ZNF891: variants seen among roughly 807,000 people sequenced by gnomAD.
ZNF891 encodes zinc finger protein 891.
For synonymous variants in ZNF891, 199 were observed against 209.0 expected, an observed-to-expected ratio of 0.95 and a Z score of 0.41; for missense variants, 589 against 632.7, an observed-to-expected ratio of 0.93 and a Z score of 0.74.
rs1955695405 is a variant in ZNF891, at chr12:133,113,096, A to T, written c.*7188T>A. 6.8e-6 allele frequency: 1 copy of T among 147,746 alleles called. No individual in the cohort carries two copies. The highest frequency in any genetic ancestry group is 2.1e-4 in the South Asian group (1 of 4,804). The allele number at this position is 147,746 out of a possible 1,614,324, so 9.2% of individuals were successfully genotyped here. ...TATATATATTTATATTTATTTATTA[A>T]AAATATATTTATAAAATATAAAAAA... On this transcript the variant is annotated 3_prime_UTR_variant, in exon 2 of 2. Transcript: ENST00000537226.
Position 133,107,937 on chromosome 12 carries a change from TAAGTAA to T in ZNF891, c.*12341_*12346del, listed in dbSNP as rs759936029. On this transcript the variant is annotated 3_prime_UTR_variant, in exon 2 of 2. Transcript: ENST00000537226. The stretch of plus-strand genomic sequence containing the variant: ...TGTAGGAGGTGTTATTAGATAAATA[TAAGTAA>T]TTTTGTAAGAGGTGAAATTTATAAA... 1 of 152,212 alleles carries T rather than the reference TAAGTAA, an allele frequency of 6.6e-6. No homozygotes were observed. Among genetic ancestry groups the T allele is most frequent in the Non-Finnish European group, 1.5e-5 (1 of 68,028 alleles). 9.4% of individuals were successfully genotyped at this position (152,212 alleles called of 1,614,324 possible). A position where few individuals can be genotyped will look rare whatever the true frequency, so the allele number is the denominator to read the frequency against.
In ZNF891 at chr12:133,106,003, G is replaced by T. The variant is rs768352843; in HGVS notation, c.*14281C>A. ...AACACCAGAGAACGCACACTGGGGA[G>T]AAACCTTATGAATGTACTGAGTGTG... On this transcript the variant is annotated 3_prime_UTR_variant, in exon 2 of 2. Transcript: ENST00000537226. 1.2e-6 allele frequency: 2 copies of T among 1,614,104 alleles called. No homozygotes were observed. Among genetic ancestry groups the T allele is most frequent in the Non-Finnish European group, 1.7e-6 (2 of 1,180,034 alleles).
chr12:133,123,726 AACAC>A (rs1006899332), intron 1 of ZNF891, among the ~76,000 whole-genome samples: 1 of 142,634 alleles, frequency 7.0e-6, no homozygotes, highest in East Asian at 2.0e-4. Flanking sequence ...AAAAAACAAA[AACAC>A]ACACAAACAA....
rs1256042166 is a variant in ZNF891 at position 133,109,458 on chromosome 12, A to G, written c.*10826T>C. 1 of 152,218 alleles carries G rather than the reference A, an allele frequency of 6.6e-6. No individual in the cohort carries two copies. The highest frequency in any genetic ancestry group is 2.4e-5 in the African/African-American group (1 of 41,466). 9.4% of individuals were successfully genotyped at this position (152,218 alleles called of 1,614,324 possible). ...AGAAATAAATTGATAGCCCACAAAC[A>G]TACTACTTGACATATGGTTGAAGCC... is the stretch of plus-strand genomic sequence containing the variant. On this transcript the variant is annotated 3_prime_UTR_variant, in exon 2 of 2. Coordinates refer to ENST00000537226, the MANE Select transcript of ZNF891 (RefSeq NM_001277291.2).
Position 133,106,688 on chromosome 12 carries a change from T to A in ZNF891, c.*13596A>T. ...AAAGAAAAACTATGAATGTATGGAA[T>A]TTTTTAAAAAGAAGTATAATGCCTT... is the stretch of plus-strand genomic sequence containing the variant. On this transcript the variant is annotated 3_prime_UTR_variant, in exon 2 of 2. Coordinates refer to ENST00000537226, the MANE Select transcript of ZNF891 (RefSeq NM_001277291.2). 6.7e-7 allele frequency: 1 copy of A among 1,502,192 alleles called. No homozygotes were observed. The highest frequency in any genetic ancestry group is 8.9e-7 in the Non-Finnish European group (1 of 1,128,654). 93.1% of individuals were successfully genotyped at this position (1,502,192 alleles called of 1,614,324 possible).
At chr12:133,128,703 G>A (rs1183454961) in intron 1 of ZNF891, among the ~76,000 whole-genome samples, 1 of 151,172 alleles carries the variant, frequency 6.6e-6, no homozygotes, top group Non-Finnish European at 1.5e-5. Context: ...TGAGGCAGGA[G>A]AATCGCTTGA....
chr12:133,108,072 A>G lies in ZNF891; in HGVS notation c.*12212T>C, dbSNP rs1421725953. ...CCATTGGCATGCCATATTGGTACAT[A>G]CATTTAGAAGCTTCTCAAGTTTCCA... On this transcript the variant is annotated 3_prime_UTR_variant, in exon 2 of 2. Coordinates refer to ENST00000537226, the MANE Select transcript of ZNF891 (RefSeq NM_001277291.2). 2 of 152,106 alleles carry G rather than the reference A, an allele frequency of 1.3e-5. No individual in the cohort carries two copies. The highest frequency in any genetic ancestry group is 6.5e-5 in the Admixed American group (1 of 15,278). The allele number at this position is 152,106 out of a possible 1,614,324, so 9.4% of individuals were successfully genotyped here.
chr12:133,124,200 A>G (rs1955792633), intron 1 of ZNF891, among the ~76,000 whole-genome samples: 1 of 152,230 alleles, frequency 6.6e-6, no homozygotes, highest in African/African-American at 2.4e-5. Context: ...GACATTTAGT[A>G]CATAACAAAG....
rs1243795909 is a variant in ZNF891, at chr12:133,111,654, C to G, written c.*8630G>C. On this transcript the variant is annotated 3_prime_UTR_variant, in exon 2 of 2. Transcript: ENST00000537226. ...AAATCAAAACTCCCATGAAACTGTG[C>G]TCATAGGTAGAAAATATAATTTTAT... 6.6e-6 allele frequency: 1 copy of G among 152,108 alleles called. No homozygotes were observed. The highest frequency in any genetic ancestry group is 1.5e-5 in the Non-Finnish European group (1 of 68,020). 9.4% of individuals were successfully genotyped at this position (152,108 alleles called of 1,614,324 possible). A position where few individuals can be genotyped will look rare whatever the true frequency, so the allele number is the denominator to read the frequency against.
In ZNF891 at chr12:133,115,611, TTTTTGTTTTG is replaced by T. The variant is rs983297703; in HGVS notation, c.*4663_*4672del. On this transcript the variant is annotated 3_prime_UTR_variant, in exon 2 of 2. Coordinates refer to ENST00000537226, the MANE Select transcript of ZNF891 (RefSeq NM_001277291.2). Reference sequence around the variant, plus strand: ...AGTTTTATTATTAAAAACCACAAAGTTTTTGTTTTGTTTTGTTTTGTTTTTTAATAGGATA... The same window carrying T: ...AGTTTTATTATTAAAAACCACAAAGTTTTTGTTTTGTTTTTTAATAGGATA... The T allele has an allele frequency of 3.3e-5, 5 of 152,032 alleles. No homozygotes were observed. Among genetic ancestry groups the T allele is most frequent in the South Asian group, 4.2e-4 (2 of 4,798 alleles). The allele number at this position is 152,032 out of a possible 1,614,324, so 9.4% of individuals were successfully genotyped here.
At position 133,121,214 on chromosome 12, in the gene ZNF891, A is replaced by G. The variant is rs1320248449; in HGVS notation, c.705T>C (p.Tyr235=). The G allele has an allele frequency of 1.3e-6, 2 of 1,535,590 alleles. No homozygotes were observed. The highest frequency in any genetic ancestry group is 1.2e-5 in the South Asian group (1 of 84,050). Residue 235 remains tyrosine, a synonymous_variant, in exon 2 of 2, where the codon TAT becomes TAC. Coordinates refer to ENST00000537226, the MANE Select transcript of ZNF891 (RefSeq NM_001277291.2). ...CLKHNSIINN[Y]VKNSISEKLY... ...GCTTCTCACTTATAGAGTTTTTCAC[A>G]TAATTGTTTATGATTGAATTGTGTT...
rs1955554021 is a variant in ZNF891, at chr12:133,105,371, A to C, written c.*14913T>G. The C allele has an allele frequency of 1.2e-6, 1 of 817,704 alleles. No homozygotes were observed. Among genetic ancestry groups the C allele is most frequent in the Non-Finnish European group, 1.9e-6 (1 of 534,848 alleles). The allele number at this position is 817,704 out of a possible 1,614,324, so 50.7% of individuals were successfully genotyped here. On this transcript the variant is annotated 3_prime_UTR_variant, in exon 2 of 2. Transcript: ENST00000537226. ...TTCTGAAGTTCTGGGCATACTACTC[A>C]GATTTCAGTCACAGCTGTGAAAGCT... is the stretch of plus-strand genomic sequence containing the variant.
rs535422046 is a variant in ZNF891, at chr12:133,120,982, G to A, written c.937C>T (p.Gln313Ter). 4 of 1,535,700 alleles carry A rather than the reference G, an allele frequency of 2.6e-6. No homozygotes were observed. The South Asian group carries it at 3.6e-5, about 14-fold the overall frequency. ...CHQSSLKKQG[Q>*]THTEKKHECN... Reference sequence around the variant, plus strand: ...TCATGTTTCTTTTCAGTATGAGTTTGTCCTTGTTTCTTAAGGGATGATTGA... The same window carrying A: ...TCATGTTTCTTTTCAGTATGAGTTTATCCTTGTTTCTTAAGGGATGATTGA... The change falls in exon 2 of 2, where the codon CAA becomes TAA. Residue 313 changes from glutamine (Q) to a stop codon, truncating the protein, a stop_gained. Transcript: ENST00000537226. LOFTEE classifies it low-confidence loss of function (END_TRUNC).
chr12:133,129,502 C>CAAAAAA (rs35653414), intron 1 of ZNF891, among the ~76,000 whole-genome samples: 1 of 92,756 alleles, frequency 1.1e-5, no homozygotes, highest in African/African-American at 3.9e-5. Flanking sequence ...AACTCTGTCT[C>CAAAAAA]AAAAAAAAAA....
chr12:133,127,919 A>AGGT (rs1955832581), intron 1 of ZNF891, among the ~76,000 whole-genome samples: 11 of 152,258 alleles, frequency 7.2e-5, no homozygotes, highest in Admixed American at 3.9e-4. Flanking sequence ...GCAGTCATTA[A>AGGT]AAACAAGAAA....
In ZNF891 at chr12:133,105,565, T is replaced by C. The variant is rs200138484; in HGVS notation, c.*14719A>G. The stretch of plus-strand genomic sequence containing the variant: ...TTTCACCAAAAAATGTCATTTATGA[T>C]GACTCATCCCAGTATTTGATCATGG... On this transcript the variant is annotated 3_prime_UTR_variant, in exon 2 of 2. Transcript: ENST00000537226. 1.9e-4 allele frequency: 302 copies of C among 1,613,370 alleles called. No homozygotes were observed. The highest frequency in any genetic ancestry group is 2.1e-4 in the Non-Finnish European group (244 of 1,179,876).
At chr12:133,122,568 G>A (rs1281266892) in intron 1 of ZNF891, among the ~76,000 whole-genome samples, 16 of 152,146 alleles carry the variant, frequency 1.1e-4, no homozygotes, top group Non-Finnish European at 4.4e-5. Context: ...ACGGACACAG[G>A]GTGGGGAACA....
rs1331066053 is a variant in ZNF891, at chr12:133,111,647, A to C, written c.*8637T>G. On this transcript the variant is annotated 3_prime_UTR_variant, in exon 2 of 2. Transcript: ENST00000537226. ...TTTAGAAAAATCAAAACTCCCATGAAACTGTGCTCATAGGTAGAAAATATA... is the reference window on the plus strand; with the variant it reads ...TTTAGAAAAATCAAAACTCCCATGACACTGTGCTCATAGGTAGAAAATATA... The C allele has an allele frequency of 6.6e-6, 1 of 152,216 alleles. No individual in the cohort carries two copies. The highest frequency in any genetic ancestry group is 1.9e-4 in the East Asian group (1 of 5,200). The allele number at this position is 152,216 out of a possible 1,614,324, so 9.4% of individuals were successfully genotyped here.
Position 133,120,157 on chromosome 12 carries a change from G to GAAC in ZNF891, c.*126_*127insGTT, listed in dbSNP as rs56278062. The GAAC allele has an allele frequency of 0.58, 407,679 of 708,092 alleles. 122,005 individuals are homozygous for GAAC. The highest frequency in any genetic ancestry group is 0.7 in the African/African-American group (39,399 of 56,186). The allele number at this position is 708,092 out of a possible 1,614,324, so 43.9% of individuals were successfully genotyped here. A position where few individuals can be genotyped will look rare whatever the true frequency, so the allele number is the denominator to read the frequency against. On this transcript the variant is annotated 3_prime_UTR_variant, in exon 2 of 2. Transcript: ENST00000537226. The stretch of plus-strand genomic sequence containing the variant: ...AAAAAAGTCATAATTAGTATTTACA[G>GAAC]AAAATGTTATATTAAAAAAAGAGCC...
Sources: gnomAD v4.1 joint callset for allele counts (sites outside exome capture counted in the v4.1 genomes callset) on GRCh38, gnomAD v4.1.1 for gene constraint, MANE v1.5 for transcripts, NCBI Gene and HGNC (gene_info 2026-07-23, HGNC 2026-07-21) for gene names.